Variants in PRKN observed in about 807,000 individuals in gnomAD.
PRKN encodes parkin RBR E3 ubiquitin protein ligase.
A neutral mutation model predicts 59.5 loss-of-function variants in PRKN; 56 were observed. The ratio of observed to expected loss-of-function variants is 0.94; its 90% CI spans 0.76 to 1.18. The LOEUF (loss-of-function observed/expected upper bound fraction) is 1.18. PRKN is among the 50% of genes most tolerant of loss of function. PRKN has a pLI of 0.00. For missense variants in PRKN, 657 were observed against 596.4 expected (o/e 1.10, Z -1.06); for synonymous variants, 250 against 222.1 (o/e 1.13, Z -1.12).
At chr6:162,095,179 A>G (rs1381345140) in intron 4 of PRKN, among the ~76,000 whole-genome samples, 2 of 152,140 alleles carry the variant, frequency 1.3e-5, no homozygotes, top group African/African-American at 2.4e-5. Context: ...AGGAATTTTG[A>G]CTTTTCTGGA....
chr6:161,639,908 T>A (rs1047575265), intron 7 of PRKN, among the ~76,000 whole-genome samples: 3 of 152,204 alleles, frequency 2.0e-5, no homozygotes, highest in African/African-American at 7.2e-5. Flanking sequence ...CTGACTGTGC[T>A]ACTCAGAATA....
intron 9 of PRKN, among the ~76,000 whole-genome samples, chr6:161,532,454 T>A (rs1474055242): frequency 6.6e-6 from 1 of 151,750 alleles, no homozygotes; most frequent in Non-Finnish European, 1.5e-5. Context: ...TGTGTCTGAG[T>A]CTGGACCCAG....
chr6:162,481,073 T>G (rs961390228), intron 1 of PRKN, among the ~76,000 whole-genome samples: 3 of 152,138 alleles, frequency 2.0e-5, no homozygotes, highest in African/African-American at 7.2e-5. Flanking sequence ...TCTGCCTACC[T>G]CAGCCTCTCA....
chr6:162,051,189 C>G (rs1777624478), intron 5 of PRKN, among the ~76,000 whole-genome samples: 2 of 152,262 alleles, frequency 1.3e-5, no homozygotes, highest in Non-Finnish European at 2.9e-5. Context: ...AAAGTCCACA[C>G]TGCAGAAGGG....
intron 1 of PRKN, among the ~76,000 whole-genome samples, chr6:162,568,214 A>C (rs1780158621): frequency 6.6e-6 from 1 of 152,198 alleles, no homozygotes; most frequent in South Asian, 2.1e-4. Flanking sequence ...CTGGGTAAAA[A>C]TTTCTTGAGC....
chr6:161,990,395 C>A (rs1445339957), intron 5 of PRKN, among the ~76,000 whole-genome samples: 3 of 152,040 alleles, frequency 2.0e-5, no homozygotes, highest in Non-Finnish European at 2.9e-5. Context: ...AAAAAGTAGT[C>A]TTTTTCTAAA....
chr6:162,650,037 C>T (rs1011661279), intron 1 of PRKN, among the ~76,000 whole-genome samples: 1 of 152,142 alleles, frequency 6.6e-6, no homozygotes, highest in Non-Finnish European at 1.5e-5. Flanking sequence ...CACGGACATA[C>T]GTGACTCTCA....
chr6:161,989,264 G>A (rs895417217), intron 5 of PRKN, among the ~76,000 whole-genome samples: 2 of 110,256 alleles, frequency 1.8e-5, no homozygotes, highest in African/African-American at 6.8e-5. Context: ...CATAGTGCCT[G>A]GAAATATATA....
chr6:162,176,606 T>TAA (rs58118086), intron 4 of PRKN, among the ~76,000 whole-genome samples: 2 of 151,728 alleles, frequency 1.3e-5, no homozygotes, highest in Admixed American at 6.6e-5. Context: ...TGTAGTAAAC[T>TAA]AAAAAAATAG....
intron 9 of PRKN, among the ~76,000 whole-genome samples, chr6:161,531,047 A>G (rs1368507755): frequency 6.6e-6 from 1 of 152,172 alleles, no homozygotes; most frequent in Non-Finnish European, 1.5e-5. Context: ...TTTTACCTGA[A>G]TGCAAGTTCC....
intron 4 of PRKN, among the ~76,000 whole-genome samples, chr6:162,177,553 A>G (rs1783596665): frequency 6.6e-6 from 1 of 152,242 alleles, no homozygotes; most frequent in Non-Finnish European, 1.5e-5. Flanking sequence ...TATTCTATCA[A>G]AATAACATAG....
chr6:162,684,001 A>T (rs954157254), intron 1 of PRKN, among the ~76,000 whole-genome samples: 2 of 152,142 alleles, frequency 1.3e-5, no homozygotes, highest in African/African-American at 4.8e-5. Context: ...TCACCAAGCC[A>T]TTATTAATGA....
At chr6:162,522,378 C>A (rs921696048) in intron 1 of PRKN, among the ~76,000 whole-genome samples, 14 of 152,238 alleles carry the variant, frequency 9.2e-5, no homozygotes, top group African/African-American at 3.4e-4. Context: ...CCCGCCTCGG[C>A]CTCCCAAAGT....
chr6:162,221,360 C>T (rs1228934016), intron 3 of PRKN, among the ~76,000 whole-genome samples: 2 of 152,156 alleles, frequency 1.3e-5, no homozygotes, highest in East Asian at 1.9e-4. Flanking sequence ...ATTGCTGTGA[C>T]AGTAACCTGG....
At chr6:161,800,352 C>A (rs1257922467) in intron 6 of PRKN, among the ~76,000 whole-genome samples, 2 of 152,104 alleles carry the variant, frequency 1.3e-5, no homozygotes, top group African/African-American at 4.8e-5. Flanking sequence ...AGAATCATGC[C>A]CCAACATCCA....
intron 6 of PRKN, among the ~76,000 whole-genome samples, chr6:161,861,181 C>T (rs1189850656): frequency 1.3e-5 from 2 of 152,112 alleles, no homozygotes; most frequent in Non-Finnish European, 2.9e-5. Context: ...TCCCAAATGC[C>T]CATCAATGAT....
intron 6 of PRKN, among the ~76,000 whole-genome samples, chr6:161,876,065 A>G (rs1794720937): frequency 6.6e-6 from 1 of 152,098 alleles, no homozygotes; most frequent in Admixed American, 6.5e-5. Context: ...TTAGCTACCA[A>G]ATATAAATGG....
At chr6:162,701,474 CA>C (rs1028742457) in intron 1 of PRKN, among the ~76,000 whole-genome samples, 141 of 139,154 alleles carry the variant, frequency 1.0e-3, no homozygotes, top group Middle Eastern at 3.7e-3. Context: ...AGATGCATTG[CA>C]AAAAAAAAAA....
At chr6:162,008,129 C>G (rs1470209722) in intron 5 of PRKN, among the ~76,000 whole-genome samples, 8 of 152,158 alleles carry the variant, frequency 5.3e-5, no homozygotes, top group Non-Finnish European at 1.5e-5. Flanking sequence ...TCCAGGAAAG[C>G]TGAGCTGCAA....
Sources: allele counts gnomAD v4.1 joint callset (sites outside exome capture counted in the v4.1 genomes callset), GRCh38; gene constraint gnomAD v4.1.1; transcripts MANE v1.5; gene names NCBI Gene and HGNC (gene_info 2026-07-23, HGNC 2026-07-21).